Variants in MBD5 observed in about 807,000 individuals in gnomAD.
The protein encoded by MBD5 is methyl-CpG binding domain protein 5, also known as methyl-CpG-binding domain protein 5.
Under a neutral mutation model 117.3 loss-of-function variants are expected in MBD5, and 13 were observed. The observed-to-expected ratio is 0.11, with a 90% CI of 0.07 to 0.18. The LOEUF (loss-of-function observed/expected upper bound fraction) is 0.18. MBD5 is among the 10% of genes least tolerant of loss of function. The pLI, the probability that MBD5 is intolerant of heterozygous loss-of-function variation, is 1.00. For missense variants in MBD5, 1,879 were observed against 2,093.8 expected, an observed-to-expected ratio of 0.90 and a Z score of 2.00; for synonymous variants, 727 against 766.4, an observed-to-expected ratio of 0.95 and a Z score of 0.85.
intron 4 of MBD5, among the ~76,000 whole-genome samples, chr2:148,355,116 G>A (rs1308736382): frequency 7.0e-6 from 1 of 143,126 alleles, no homozygotes; most frequent in East Asian, 2.8e-4. Flanking sequence ...TTTTGATGGG[G>A]TTGTTTGTTT....
rs770555525 is a variant in MBD5 at position 148,100,794 on chromosome 2, CTT to C, written c.-924-77903_-924-77902del. 8.5e-5 allele frequency among the ~76,000 whole-genome samples: 13 copies of C among 152,256 alleles called. No homozygotes were observed. The South Asian group carries it at 2.3e-3, about 27-fold the overall frequency. The stretch of plus-strand genomic sequence containing the variant: ...TGTATGACCTATTGTTTGCCATACT[CTT>C]TTGGTTGGAGCAGTCTTAAGCCTTT... On this transcript the variant is annotated intron_variant, in intron 1 of 13. Coordinates refer to ENST00000642680, the MANE Select transcript of MBD5 (RefSeq NM_001378120.1).
intron 1 of MBD5, among the ~76,000 whole-genome samples, chr2:148,070,721 T>C (rs1317896426): frequency 6.6e-6 from 1 of 152,208 alleles, no homozygotes; most frequent in Non-Finnish European, 1.5e-5. Flanking sequence ...ACTTCTCTAG[T>C]GTGAAAGTTG....
At chr2:148,245,972 A>T (rs1381813164) in intron 3 of MBD5, among the ~76,000 whole-genome samples, 1 of 152,204 alleles carries the variant, frequency 6.6e-6, no homozygotes, top group Non-Finnish European at 1.5e-5. Context: ...ACTGATTGGT[A>T]TGTGATTCAG....
At chr2:148,048,868 C>G (rs923380436) in intron 1 of MBD5, among the ~76,000 whole-genome samples, 5 of 152,050 alleles carry the variant, frequency 3.3e-5, no homozygotes. Context: ...ATGAGATAAG[C>G]CTCTCTGTGA....
At chr2:148,163,145 T>A (rs934862440) in intron 1 of MBD5, among the ~76,000 whole-genome samples, 4 of 152,216 alleles carry the variant, frequency 2.6e-5, no homozygotes, top group Non-Finnish European at 5.9e-5. Context: ...TATCACAAGT[T>A]GAGAAACTGC....
chr2:148,259,693 A>C (rs1469525874), intron 3 of MBD5, among the ~76,000 whole-genome samples: 2 of 152,158 alleles, frequency 1.3e-5, no homozygotes, highest in Non-Finnish European at 2.9e-5. Flanking sequence ...CGGGGTAATT[A>C]TACCTTTTAC....
chr2:148,516,947 A>G lies in MBD5; in HGVS notation c.*4006A>G, dbSNP rs1682354555. The stretch of plus-strand genomic sequence containing the variant: ...AACATCATGCCTTTATGGATTAAGT[A>G]TAAATACACTGGATTGTCTATGTAG... On this transcript the variant is annotated 3_prime_UTR_variant, in exon 14 of 14. Transcript: ENST00000642680. The G allele has an allele frequency of 6.6e-6, 1 of 152,264 alleles. No homozygotes were observed. The highest frequency in any genetic ancestry group is 2.4e-5 in the African/African-American group (1 of 41,466). 9.4% of individuals were successfully genotyped at this position (152,264 alleles called of 1,614,324 possible).
chr2:148,438,735 G>A (rs1265880097), intron 4 of MBD5, among the ~76,000 whole-genome samples: 7 of 152,126 alleles, frequency 4.6e-5, no homozygotes, highest in South Asian at 2.1e-4. Flanking sequence ...TGTAAGTCCT[G>A]GAGTCCAAAG....
rs747448520 is a variant in MBD5 at position 148,021,148 on chromosome 2, A to AG, written c.-1454dup. ...ATGATGAAGAGAGAGGCAGTGGCAG[A>AG]GGGGGGGCACCTTTTATTTCTATTT... On this transcript the variant is annotated 5_prime_UTR_variant, in exon 1 of 14. An upstream open reading frame in the 5' UTR gains an earlier in-frame stop. Transcript: ENST00000642680. 11 of 153,790 alleles carry AG rather than the reference A, an allele frequency of 7.2e-5. No homozygotes were observed. The highest frequency in any genetic ancestry group is 7.2e-5 in the Non-Finnish European group (5 of 69,212). The allele number at this position is 153,790 out of a possible 1,614,324, so 9.5% of individuals were successfully genotyped here.
chr2:148,128,920 T>C (rs1574044789), intron 1 of MBD5, among the ~76,000 whole-genome samples: 1 of 152,340 alleles, frequency 6.6e-6, no homozygotes, highest in East Asian at 1.9e-4. Context: ...AAGAAAATGA[T>C]CTGGCATCTG....
At chr2:148,420,697 A>ATGTTT (rs3076613) in intron 4 of MBD5, among the ~76,000 whole-genome samples, 16,761 of 147,380 alleles carry the variant, frequency 0.11, 1,064 homozygotes, top group Middle Eastern at 0.14. Flanking sequence ...CTGATAAGTC[A>ATGTTT]TGTTTTGTTT....
chr2:148,446,602 C>CTATATGTGTGTG (rs1553516216), intron 4 of MBD5, among the ~76,000 whole-genome samples: 8 of 148,898 alleles, frequency 5.4e-5, no homozygotes, highest in Non-Finnish European at 1.0e-4. Context: ...GATTATTTAT[C>CTATATGTGTGTG]TGTGTGTGTG....
At chr2:148,420,800 C>T (rs889331320) in intron 4 of MBD5, among the ~76,000 whole-genome samples, 3 of 152,084 alleles carry the variant, frequency 2.0e-5, no homozygotes, top group African/African-American at 7.2e-5. Context: ...TATCTCTGCT[C>T]ACTGCAACCT....
In MBD5 at chr2:148,246,713, G is replaced by A. The variant is rs571677276; in HGVS notation, c.-680+13318G>A. Among the ~76,000 whole-genome samples the A allele has an allele frequency of 2.8e-4, 33 of 119,222 alleles. No homozygotes were observed. The East Asian group carries it at 5.1e-3, about 19-fold the overall frequency. 78.2% of individuals were successfully genotyped at this position (119,222 alleles called of 152,430 possible). ...CAGGGAGCACAGGTTGCAGTGAGCC[G>A]AAATTGCGCCACTGCACTCCAGCCT... On this transcript the variant is annotated intron_variant, in intron 3 of 13. Coordinates refer to ENST00000642680, the MANE Select transcript of MBD5 (RefSeq NM_001378120.1).
intron 3 of MBD5, among the ~76,000 whole-genome samples, chr2:148,310,494 C>T (rs1300777567): frequency 1.3e-5 from 2 of 152,036 alleles, no homozygotes; most frequent in Non-Finnish European, 2.9e-5. Context: ...GGTAATATCC[C>T]CATTATCATT....
At position 148,386,198 on chromosome 2, in the gene MBD5, A is replaced by T. The variant is rs546975219; in HGVS notation, c.-557+43862A>T. On this transcript the variant is annotated intron_variant, in intron 4 of 13. Coordinates refer to ENST00000642680, the MANE Select transcript of MBD5 (RefSeq NM_001378120.1). ...AGTTATAAAATGAACAAAAGCTTTT[A>T]AAAAAGTAAGAATAAGATAATAAAG... Among the ~76,000 whole-genome samples, 5 of 152,292 alleles carry T rather than the reference A, an allele frequency of 3.3e-5. No homozygotes were observed. In the East Asian group the frequency reaches 5.8e-4, roughly 18 times the overall value.
intron 12 of MBD5, among the ~76,000 whole-genome samples, chr2:148,506,760 C>T (rs1466783957): frequency 6.6e-6 from 1 of 152,158 alleles, no homozygotes; most frequent in African/African-American, 2.4e-5. Context: ...ATTACTTAAT[C>T]AAGTAGGTTT....
rs565932409 is a variant in MBD5 at position 148,182,497 on chromosome 2, C to G, written c.-831+3704C>G. Reference sequence around the variant, plus strand: ...TTTAAGTTAAATGCAGTGTAATTTTCTTATTTTCCTCGTTTGGTTTTATAA... The same window carrying G: ...TTTAAGTTAAATGCAGTGTAATTTTGTTATTTTCCTCGTTTGGTTTTATAA... On this transcript the variant is annotated intron_variant, in intron 2 of 13. Coordinates refer to ENST00000642680, the MANE Select transcript of MBD5 (RefSeq NM_001378120.1). 2.0e-5 allele frequency among the ~76,000 whole-genome samples: 3 copies of G among 152,196 alleles called. No individual in the cohort carries two copies. The South Asian group carries it at 6.2e-4, about 32-fold the overall frequency.
intron 3 of MBD5, among the ~76,000 whole-genome samples, chr2:148,299,527 T>G (rs966649853): frequency 2.6e-4 from 40 of 152,362 alleles, no homozygotes; most frequent in African/African-American, 9.4e-4. Context: ...GTTCATTGAC[T>G]ACTAATGCTC....
Sources: allele counts gnomAD v4.1 joint callset (sites outside exome capture counted in the v4.1 genomes callset), GRCh38; gene constraint gnomAD v4.1.1; transcripts MANE v1.5; gene names NCBI Gene and HGNC (gene_info 2026-07-23, HGNC 2026-07-21).